The following PRKCA variants were observed in gnomAD, a reference collection of about 807,000 sequenced individuals.
PRKCA encodes protein kinase C alpha type.
A neutral mutation model predicts 87.0 loss-of-function variants in PRKCA; 27 were observed. The observed-to-expected ratio is 0.31, with a 90% CI of 0.23 to 0.43. The LOEUF (loss-of-function observed/expected upper bound fraction) is 0.43. Ranked by LOEUF, PRKCA falls within the 20% of genes least tolerant of loss-of-function variation. PRKCA has a pLI of 1.00. For missense variants in PRKCA, 518 were observed against 852.3 expected (o/e 0.61, Z 4.88); for synonymous variants, 329 against 311.1 (o/e 1.06, Z -0.61).
chr17:66,679,843 T>C (rs1212060687), intron 5 of PRKCA, among the ~76,000 whole-genome samples: 8 of 152,220 alleles, frequency 5.3e-5, no homozygotes, highest in Admixed American at 5.2e-4. Context: ...TTGCCCGAGC[T>C]CAGCTACTCA....
intron 2 of PRKCA, among the ~76,000 whole-genome samples, chr17:66,401,783 G>T (rs1183082887): frequency 6.6e-6 from 1 of 152,136 alleles, no homozygotes; most frequent in Non-Finnish European, 1.5e-5. Context: ...ACAGATTTCT[G>T]GCAGTGGTTC....
At chr17:66,731,977 A>G (rs1167512930) in intron 8 of PRKCA, among the ~76,000 whole-genome samples, 1 of 150,264 alleles carries the variant, frequency 6.7e-6, no homozygotes, top group Non-Finnish European at 1.5e-5. Context: ...TTTGGTAGAG[A>G]CGGGGTTTCA....
intron 3 of PRKCA, among the ~76,000 whole-genome samples, chr17:66,508,213 C>T (rs983443678): frequency 6.6e-6 from 1 of 152,186 alleles, no homozygotes; most frequent in East Asian, 1.9e-4. Flanking sequence ...GCAAGAGTCA[C>T]ATGGACAGTG....
At position 66,806,102 on chromosome 17, in the gene PRKCA, G is replaced by C. The variant is rs182666503; in HGVS notation, c.*2065G>C. The C allele has an allele frequency of 6.6e-6, 1 of 152,276 alleles. No homozygotes were observed. Among genetic ancestry groups the C allele is most frequent in the African/African-American group, 2.4e-5 (1 of 41,446 alleles). 9.4% of individuals were successfully genotyped at this position (152,276 alleles called of 1,614,324 possible). A position where few individuals can be genotyped will look rare whatever the true frequency, so the allele number is the denominator to read the frequency against. On this transcript the variant is annotated 3_prime_UTR_variant, in exon 17 of 17. Transcript: ENST00000413366. ...CTTTGGTGAGACACCCCCATGCAAGGTCCTCAGAGTAGCCGGGTTCTACCA... is the reference window on the plus strand; with the variant it reads ...CTTTGGTGAGACACCCCCATGCAAGCTCCTCAGAGTAGCCGGGTTCTACCA...
intron 3 of PRKCA, among the ~76,000 whole-genome samples, chr17:66,580,603 G>T (rs1205833906): frequency 6.6e-6 from 1 of 152,176 alleles, no homozygotes; most frequent in Non-Finnish European, 1.5e-5. Context: ...TAAGAAAGTT[G>T]TCCGTGTTTT....
intron 3 of PRKCA, among the ~76,000 whole-genome samples, chr17:66,575,059 A>C (rs1430298292): frequency 6.6e-6 from 1 of 152,076 alleles, no homozygotes; most frequent in African/African-American, 2.4e-5. Context: ...CGGTGTCACC[A>C]CTCTGGTACT....
chr17:66,795,800 A>T (rs760837208), intron 16 of PRKCA, among the ~76,000 whole-genome samples: 1 of 152,220 alleles, frequency 6.6e-6, no homozygotes, highest in Non-Finnish European at 1.5e-5. Context: ...GGCCATTAAC[A>T]TAAAGACCAA....
chr17:66,749,773 T>G (rs1483360632), intron 13 of PRKCA, among the ~76,000 whole-genome samples: 1 of 152,036 alleles, frequency 6.6e-6, no homozygotes, highest in Non-Finnish European at 1.5e-5. Flanking sequence ...GATGAAGCCT[T>G]GGAGACTGAG....
intron 3 of PRKCA, among the ~76,000 whole-genome samples, chr17:66,626,842 A>T (rs992017731): frequency 6.6e-6 from 1 of 152,230 alleles, no homozygotes; most frequent in Non-Finnish European, 1.5e-5. Flanking sequence ...TTCTAAGTTT[A>T]AAGTGGCTAA....
At chr17:66,311,034 T>G (rs1171800265) in intron 2 of PRKCA, among the ~76,000 whole-genome samples, 1 of 152,194 alleles carries the variant, frequency 6.6e-6, no homozygotes, top group Non-Finnish European at 1.5e-5. Flanking sequence ...CCCGCTGGTT[T>G]TCAAAGTTAG....
At chr17:66,542,970 G>A (rs983235440) in intron 3 of PRKCA, among the ~76,000 whole-genome samples, 4 of 152,162 alleles carry the variant, frequency 2.6e-5, no homozygotes, top group African/African-American at 7.2e-5. Flanking sequence ...TGGAGTTACA[G>A]TTAAGAGTCA....
At chr17:66,448,424 C>T (rs228881) in intron 2 of PRKCA, among the ~76,000 whole-genome samples, 60,714 of 151,932 alleles carry the variant, frequency 0.4, 12,430 homozygotes, top group Middle Eastern at 0.53. Flanking sequence ...GCGTTAGGCT[C>T]TTCTTGAGCC....
intron 16 of PRKCA, among the ~76,000 whole-genome samples, chr17:66,796,264 A>T (rs552428030): frequency 6.6e-6 from 1 of 152,336 alleles, no homozygotes; most frequent in East Asian, 1.9e-4. Flanking sequence ...GTATACACAG[A>T]TGAGGTTGTG....
chr17:66,728,914 G>T (rs1348901594), intron 8 of PRKCA, among the ~76,000 whole-genome samples: 1 of 152,226 alleles, frequency 6.6e-6, no homozygotes, highest in African/African-American at 2.4e-5. Flanking sequence ...GGTGAAAGTA[G>T]TTTTTAACTG....
chr17:66,539,779 G>A (rs1199195385), intron 3 of PRKCA, among the ~76,000 whole-genome samples: 3 of 152,178 alleles, frequency 2.0e-5, no homozygotes, highest in African/African-American at 7.2e-5. Flanking sequence ...TACCCAGAGA[G>A]ATGCTTCTTT....
intron 2 of PRKCA, among the ~76,000 whole-genome samples, chr17:66,472,263 G>A (rs1915357743): frequency 6.6e-6 from 1 of 152,146 alleles, no homozygotes; most frequent in Non-Finnish European, 1.5e-5. Flanking sequence ...TAACCAATGA[G>A]GCAACCTCCA....
chr17:66,683,084 A>G (rs1972532266), intron 5 of PRKCA, among the ~76,000 whole-genome samples: 1 of 152,204 alleles, frequency 6.6e-6, no homozygotes, highest in South Asian at 2.1e-4. Context: ...TCCTTAACAC[A>G]CTAGCGCTTG....
intron 13 of PRKCA, among the ~76,000 whole-genome samples, chr17:66,751,121 C>A (rs982624448): frequency 6.6e-6 from 1 of 152,168 alleles, no homozygotes; most frequent in Non-Finnish European, 1.5e-5. Context: ...GAGCTTATTT[C>A]GCCTCTTTCT....
At chr17:66,581,632 C>T (rs369326656) in intron 3 of PRKCA, among the ~76,000 whole-genome samples, 13 of 152,154 alleles carry the variant, frequency 8.5e-5, no homozygotes, top group South Asian at 6.2e-4. Flanking sequence ...CCCGCCACCA[C>T]GCCTGGCTAA....
Sources: allele counts gnomAD v4.1 joint callset (sites outside exome capture counted in the v4.1 genomes callset), GRCh38; gene constraint gnomAD v4.1.1; transcripts MANE v1.5; gene names NCBI Gene and HGNC (gene_info 2026-07-23, HGNC 2026-07-21).